The following EIF3A variants were observed in gnomAD, a reference collection of about 807,000 sequenced individuals.
EIF3A encodes the protein EIF3, p180 subunit.
In EIF3A, 21 loss-of-function variants were observed where a neutral mutation model predicts 186.6. The observed-to-expected ratio is 0.11, with a 90% CI of 0.08 to 0.16. EIF3A has a LOEUF of 0.16. Among genes scored for constraint, EIF3A ranks in the 10% least tolerant of loss-of-function variants. EIF3A has a pLI of 1.00. For synonymous variants in EIF3A, 563 were observed against 584.3 expected (o/e 0.96, Z 0.52); for missense variants, 1,306 against 1,796.3 (o/e 0.73, Z 4.93).
At chr10:119,043,567 A>G (rs1848243511) in intron 18 of EIF3A, among the ~76,000 whole-genome samples, 1 of 152,130 alleles carries the variant, frequency 6.6e-6, no homozygotes, top group African/African-American at 2.4e-5. Context: ...GTGAGCCGAG[A>G]TCGCGCCACT....
chr10:119,055,504 CAACA>C (rs1848413296), intron 14 of EIF3A, among the ~76,000 whole-genome samples: 1 of 152,146 alleles, frequency 6.6e-6, no homozygotes, highest in Admixed American at 6.5e-5. Context: ...AAAATGGTGT[CAACA>C]GACTTGCTCA....
chr10:119,056,227 C>CT (rs1171759337), intron 14 of EIF3A, among the ~76,000 whole-genome samples: 1 of 152,152 alleles, frequency 6.6e-6, no homozygotes, highest in Non-Finnish European at 1.5e-5. Flanking sequence ...GTTAACAAAA[C>CT]TATGGAATGA....
At chr10:119,058,506 G>A (rs569196758) in intron 11 of EIF3A, among the ~76,000 whole-genome samples, 95 of 152,254 alleles carry the variant, frequency 6.2e-4, no homozygotes, top group African/African-American at 2.1e-3. Flanking sequence ...TAGCAATGAC[G>A]CAGCTAAAGA....
At chr10:119,064,164 T>A (rs1167247383) in intron 7 of EIF3A, among the ~76,000 whole-genome samples, 1 of 152,232 alleles carries the variant, frequency 6.6e-6, no homozygotes, top group East Asian at 1.9e-4. Context: ...ATCTGCATTT[T>A]AAAAAGTATT....
Position 119,038,821 on chromosome 10 carries a change from AG to A in EIF3A, c.3527-383del, listed in dbSNP as rs575015163. Among the ~76,000 whole-genome samples, 228 of 152,240 alleles carry A rather than the reference AG, an allele frequency of 1.5e-3. 1 individual carries two copies. Among genetic ancestry groups the A allele is most frequent in the African/African-American group, 5.2e-3 (216 of 41,534 alleles). On this transcript the variant is annotated intron_variant, in intron 19 of 21. Coordinates refer to ENST00000369144, the MANE Select transcript of EIF3A (RefSeq NM_003750.4). ...TGTAGTCCTAGCTACTTGACTTAGG[AG>A]GCTGAGGCATGAGAACTGCTTGAAC...
At chr10:119,076,562 T>C (rs760366822) in intron 1 of EIF3A, among the ~76,000 whole-genome samples, 1 of 148,130 alleles carries the variant, frequency 6.8e-6, no homozygotes, top group African/African-American at 2.5e-5. Flanking sequence ...CCTTTCCTTG[T>C]TGTCAGGGGT....
In EIF3A at chr10:119,065,425, T is replaced by C. The variant is rs116978322; in HGVS notation, c.1096A>G (p.Thr366Ala). 18 of 1,613,214 alleles carry C rather than the reference T, an allele frequency of 1.1e-5. No homozygotes were observed. The East Asian group carries it at 3.3e-4, about 30-fold the overall frequency. ...ATLLGLQAPPTRIGLINDMVR... is the reference protein window; with the variant it reads ...ATLLGLQAPPARIGLINDMVR... ...ATATCATTAATAAGGCCAATTCGTG[T>C]CGGTGGGGCTTGAAGACCTAGTAGT... Residue 366 changes from threonine to alanine, a missense_variant, in exon 7 of 22, where the codon ACA (threonine) becomes GCA (alanine). Coordinates refer to ENST00000369144, the MANE Select transcript of EIF3A (RefSeq NM_003750.4).
In EIF3A at chr10:119,036,092, G is replaced by A. The variant is rs753786295; in HGVS notation, c.4096C>T (p.Arg1366Cys). The change falls in exon 22 of 22, where the codon CGT (arginine) becomes TGT (cysteine). Residue 1366 changes from arginine (R) to cysteine (C), a missense_variant. This residue lies in a region of EIF3A where 331 missense variants were observed against 365.8 expected (regional missense o/e 0.90). Transcript: ENST00000369144. Reference sequence around the variant, plus strand: ...TCATCAGTCTCATTTTTAGTACGACGGAGAGATTCCCTATCTTTCTCAGCT... The same window carrying A: ...TCATCAGTCTCATTTTTAGTACGACAGAGAGATTCCCTATCTTTCTCAGCT... ...WRAEKDRESL[R>C]RTKNETDEDG... 5.0e-6 allele frequency: 8 copies of A among 1,613,874 alleles called. No individual in the cohort carries two copies. The highest frequency in any genetic ancestry group is 3.3e-5 in the Admixed American group (2 of 59,978).
chr10:119,050,300 A>T (rs988613127), intron 16 of EIF3A, among the ~76,000 whole-genome samples: 1 of 152,226 alleles, frequency 6.6e-6, no homozygotes, highest in Non-Finnish European at 1.5e-5. Context: ...CGGTGATTAA[A>T]AAAAGTATTA....
At chr10:119,057,158 T>A (rs1166831422) in intron 12 of EIF3A, 118 bp from the exon 13 acceptor site, 1 of 627,662 alleles carries the variant, frequency 1.6e-6, no homozygotes, top group Admixed American at 3.2e-5. Flanking sequence ...TGGGTGATAA[T>A]TTAGGAAATG....
At chr10:119,040,477 A>T (rs1848192981) in intron 19 of EIF3A, among the ~76,000 whole-genome samples, 1 of 152,236 alleles carries the variant, frequency 6.6e-6, no homozygotes, top group Admixed American at 6.5e-5. Context: ...TAATGAGTCC[A>T]GTTTTGGATA....
chr10:119,069,243 G>A (rs570941200), intron 6 of EIF3A, among the ~76,000 whole-genome samples: 1 of 147,448 alleles, frequency 6.8e-6, no homozygotes, highest in South Asian at 2.1e-4. Context: ...GGTTGCTACT[G>A]GCATCTAATG....
At position 119,060,730 on chromosome 10, in the gene EIF3A, ATTT is replaced by A; in HGVS notation, c.1326+13_1326+15del. 6.3e-7 allele frequency: 1 copy of A among 1,575,210 alleles called. No individual in the cohort carries two copies. On this transcript the variant is annotated intron_variant, in intron 9 of 21. Transcript: ENST00000369144. ...CACATAACATCACAAAACTTTTTTTATTTTTTTATTTTTACCTGCTGCAGAAGG... is the reference window on the plus strand; with the variant it reads ...CACATAACATCACAAAACTTTTTTTATTTTATTTTTACCTGCTGCAGAAGG...
In EIF3A at chr10:119,074,661, C is replaced by T. The variant is rs1309693210; in HGVS notation, c.50-724G>A. ...AAAAATAGAAAAATGGGGCCGGGAG[C>T]GGTGGCTTATGCCTGTAATCCCAAC... On this transcript the variant is annotated intron_variant, in intron 1 of 21. Coordinates refer to ENST00000369144, the MANE Select transcript of EIF3A (RefSeq NM_003750.4). Among the ~76,000 whole-genome samples, 3 of 150,470 alleles carry T rather than the reference C, an allele frequency of 2.0e-5. 1 individual carries two copies. Among genetic ancestry groups the T allele is most frequent in the South Asian group, 4.2e-4 (2 of 4,800 alleles).
chr10:119,036,155 G>A lies in EIF3A; in HGVS notation c.4033C>T (p.Arg1345Ter). The change falls in exon 22 of 22, where the codon CGA becomes TGA. Residue 1345 changes from arginine (R) to a stop codon, truncating the protein, a stop_gained. Transcript: ENST00000369144. LOFTEE classifies it high-confidence loss of function. The stretch of plus-strand genomic sequence containing the variant: ...TTCTCTTTTTCACCTTCTCTTTCTC[G>A]GTCTCGGTCTCTTTCTCGGTCTCTT... ...LSRDRERDRDREREGEKEKAS... is the reference protein window; with the variant it reads ...LSRDRERDRD 1.2e-6 allele frequency: 2 copies of A among 1,612,846 alleles called. No individual in the cohort carries two copies. Among genetic ancestry groups the A allele is most frequent in the Non-Finnish European group, 1.7e-6 (2 of 1,179,656 alleles).
chr10:119,072,024 C>CA (rs56100757), intron 4 of EIF3A, among the ~76,000 whole-genome samples: 16,658 of 59,166 alleles, frequency 0.28, 3,000 homozygotes, highest in Non-Finnish European at 0.36. Flanking sequence ...GACTCTGTCT[C>CA]AAAAAAAAAA....
Position 119,059,196 on chromosome 10 carries a change from C to A in EIF3A, c.1629+16G>T. ...CTCAAAACTTCTGGGATTTATTTCC[C>A]CGGGAAGATGCATACCAGTATATGA... On this transcript the variant is annotated intron_variant, in intron 11 of 21. Coordinates refer to ENST00000369144, the MANE Select transcript of EIF3A (RefSeq NM_003750.4). 6.2e-7 allele frequency: 1 copy of A among 1,606,688 alleles called. No individual in the cohort carries two copies.
At chr10:119,048,184 A>G (rs1848307131) in intron 17 of EIF3A, among the ~76,000 whole-genome samples, 1 of 139,420 alleles carries the variant, frequency 7.2e-6, no homozygotes, top group Non-Finnish European at 1.5e-5. Flanking sequence ...GAAATCCAAC[A>G]GCAGGCACAG....
intron 11 of EIF3A, among the ~76,000 whole-genome samples, chr10:119,058,847 C>T (rs1450977448): frequency 1.3e-5 from 2 of 152,170 alleles, no homozygotes; most frequent in African/African-American, 4.8e-5. Context: ...GGCATCACTG[C>T]ACTCCAGCCT....
Sources: allele counts gnomAD v4.1 joint callset (sites outside exome capture counted in the v4.1 genomes callset), GRCh38; gene constraint gnomAD v4.1.1; regional missense constraint gnomAD v4.1.1; transcripts MANE v1.5; gene names NCBI Gene and HGNC (gene_info 2026-07-23, HGNC 2026-07-21).